The following ZNF630 variants were observed in gnomAD, a reference collection of about 807,000 sequenced individuals.
ZNF630 encodes dJ54B20.2 (novel KRAB box containing C2H2 type zinc finger protein).
In ZNF630, 5 loss-of-function variants were observed where a neutral mutation model predicts 7.2. That is an observed-to-expected ratio of 0.70 (90% CI 0.36 to 1.46). The LOEUF is 1.46. Ranked by LOEUF, ZNF630 falls within the 40% of genes most tolerant of loss-of-function variation. The probability of loss-of-function intolerance (pLI) is 0.03; values close to 1 mark genes in which losing one functional copy is unlikely to be tolerated. For synonymous variants in ZNF630, 158 were observed against 162.8 expected, an observed-to-expected ratio of 0.97 and a Z score of 0.23; for missense variants, 461 against 477.0, an observed-to-expected ratio of 0.97 and a Z score of 0.31.
Position 48,059,941 on chromosome X carries a change from G to A in ZNF630, c.501C>T (p.Asp167=), listed in dbSNP as rs2059094774. The A allele has an allele frequency of 1.7e-6, 2 of 1,208,149 alleles. No individual in the cohort carries two copies. Among genetic ancestry groups the A allele is most frequent in the Non-Finnish European group, 1.1e-6 (1 of 893,241 alleles). The change falls in exon 5 of 5, where the codon GAC becomes GAT. Residue 167 remains aspartate (D), a synonymous_variant. Transcript: ENST00000276054. ...GGAATTTTTGACTTAAAGGAGCAAG[G>A]TCTGTGCACCGATTGAACATTTTCC... is the stretch of plus-strand genomic sequence containing the variant. ...AFGKMFNRCT[D]LAPLSQKFHK...
rs782317074 is a variant in ZNF630, at chrX:48,063,265, C to CAA, written c.16-2322_16-2321dup. Reference sequence around the variant, plus strand: ...GTTGAGAGAAAAATCACTACCTGGCCAAAAAAAAAAAAAAAAAAGTTTGCA... The same window carrying CAA: ...GTTGAGAGAAAAATCACTACCTGGCCAAAAAAAAAAAAAAAAAAAAGTTTGCA... On this transcript the variant is annotated intron_variant, in intron 2 of 4. Coordinates refer to ENST00000276054, the MANE Select transcript of ZNF630 (RefSeq NM_001282201.2). Among the ~76,000 whole-genome samples, 8 of 30,148 alleles carry CAA rather than the reference C, an allele frequency of 2.7e-4. No homozygotes were observed. The South Asian group carries it at 5.4e-3, about 20-fold the overall frequency. The allele number at this position is 30,148 out of a possible 115,157, so 26.2% of individuals were successfully genotyped here.
chrX:48,060,131 T>C lies in ZNF630; in HGVS notation c.311A>G (p.Glu104Gly), dbSNP rs2059096875. 2 of 1,169,818 alleles carry C rather than the reference T, an allele frequency of 1.7e-6. No individual in the cohort carries two copies. The highest frequency in any genetic ancestry group is 2.3e-6 in the Non-Finnish European group (2 of 872,773). ...CAATGAATTATCCTTTGGGGCTCTT[T>C]CTAGTATCTCCCTTTGAAATAAAAG... is the stretch of plus-strand genomic sequence containing the variant. Reference protein sequence around the residue: ...GELLFQREILERAPKDNSLYS... With the variant: ...GELLFQREILGRAPKDNSLYS... The change falls in exon 5 of 5, where the codon GAA becomes GGA. Residue 104 changes from glutamate to glycine, a missense_variant. By Grantham distance (98) the Glu-to-Gly change is moderately conservative (BLOSUM62 -2). Coordinates refer to ENST00000276054, the MANE Select transcript of ZNF630 (RefSeq NM_001282201.2).
chrX:48,059,858 T>C lies in ZNF630; in HGVS notation c.584A>G (p.Asn195Ser), dbSNP rs1471044377. Residue 195 changes from asparagine to serine, a missense_variant, in exon 5 of 5, where the codon AAC becomes AGC. Coordinates refer to ENST00000276054, the MANE Select transcript of ZNF630 (RefSeq NM_001282201.2). ...GGGGTTCTTTCTTGCATAGCTCCTG[T>C]TATAATTTAGTAAGTCTGAATTAGA... ...LKSNSDLLNY[N>S]RSYARKNPTK... 8.3e-7 allele frequency: 1 copy of C among 1,206,409 alleles called. No individual in the cohort carries two copies. Among genetic ancestry groups the C allele is most frequent in the Non-Finnish European group, 1.1e-6 (1 of 892,875 alleles).
intron 2 of ZNF630, among the ~76,000 whole-genome samples, chrX:48,062,380 T>C (rs1232275986): frequency 8.9e-6 from 1 of 111,875 alleles, no homozygotes; most frequent in Non-Finnish European, 1.9e-5. Context: ...TCATGGGAGA[T>C]TGGATGAATA....
intron 2 of ZNF630, chrX:48,066,554 A>G (rs2059132325): frequency 3.6e-6 from 1 of 280,863 alleles, no homozygotes; most frequent in Non-Finnish European, 6.2e-6. Context: ...AAACTCAGTA[A>G]TAAAATTCCT....
In ZNF630 at chrX:48,059,445, G is replaced by A. The variant is rs1556908630; in HGVS notation, c.997C>T (p.Pro333Ser). The A allele has an allele frequency of 1.7e-6, 2 of 1,207,958 alleles. No homozygotes were observed. The highest frequency in any genetic ancestry group is 2.2e-5 in the Admixed American group (1 of 45,893). The change falls in exon 5 of 5, where the codon CCT becomes TCT. Residue 333 changes from proline to serine, a missense_variant. Physicochemically the swap from Pro to Ser is moderately conservative, Grantham distance 74. Transcript: ENST00000276054. ...KYGRAFSRKS[P>S]FTVHQRVHTG... is the part of the protein sequence containing the mutation. ...TGGACTCTCTGATGAACAGTGAAAG[G>A]TGACTTCCGGGAGAATGCTCTTCCA...
chrX:48,068,166 A>AGAAGGAAG (rs199852662), intron 1 of ZNF630, among the ~76,000 whole-genome samples: 8 of 84,475 alleles, frequency 9.5e-5, no homozygotes, highest in African/African-American at 3.3e-4. Context: ...GGAGGGAGGA[A>AGAAGGAAG]GAAGGAAGGA....
intron 1 of ZNF630, among the ~76,000 whole-genome samples, chrX:48,070,641 C>G (rs1556910926): frequency 1.0e-5 from 1 of 98,696 alleles, no homozygotes; most frequent in Admixed American, 1.1e-4. Context: ...AAAATTCCTA[C>G]AAATCATTAA....
chrX:48,069,038 G>A (rs1556910578), intron 1 of ZNF630, among the ~76,000 whole-genome samples: 2 of 110,479 alleles, frequency 1.8e-5, no homozygotes, highest in African/African-American at 3.3e-5. Context: ...CCAGGAGTTC[G>A]AGGCCAGCCT....
At chrX:48,068,927 G>A (rs1324664316) in intron 1 of ZNF630, among the ~76,000 whole-genome samples, 1 of 111,788 alleles carries the variant, frequency 8.9e-6, no homozygotes, top group Non-Finnish European at 1.9e-5. Context: ...ACACAAGAAT[G>A]TATTCCTAAT....
chrX:48,058,222 A>G lies in ZNF630; in HGVS notation c.*246T>C, dbSNP rs1029886594. 19 of 289,574 alleles carry G rather than the reference A, an allele frequency of 6.6e-5. No individual in the cohort carries two copies. The highest frequency in any genetic ancestry group is 5.3e-4 in the African/African-American group (19 of 36,098). The allele number at this position is 289,574 out of a possible 1,213,427, so 23.9% of individuals were successfully genotyped here. ...ACCAAACAACACCAAAGTAGTGCTA[A>G]TTCTTCCAGATACATTTATTCTGTG... On this transcript the variant is annotated 3_prime_UTR_variant, in exon 5 of 5. Transcript: ENST00000276054.
intron 2 of ZNF630, among the ~76,000 whole-genome samples, chrX:48,066,121 A>G (rs782717388): frequency 7.4e-4 from 82 of 110,793 alleles, no homozygotes; most frequent in Non-Finnish European, 1.3e-3. Context: ...CAATAATGAG[A>G]TCACTTTCAC....
Position 48,058,372 on chromosome X carries a change from T to C in ZNF630, c.*96A>G, listed in dbSNP as rs2059079407. On this transcript the variant is annotated 3_prime_UTR_variant, in exon 5 of 5. Coordinates refer to ENST00000276054, the MANE Select transcript of ZNF630 (RefSeq NM_001282201.2). Reference sequence around the variant, plus strand: ...TCATGTATACTGAGGAACATATTAGTCTATTCTACAGTTGAGAAGTTGTCA... The same window carrying C: ...TCATGTATACTGAGGAACATATTAGCCTATTCTACAGTTGAGAAGTTGTCA... 1 of 854,156 alleles carries C rather than the reference T, an allele frequency of 1.2e-6. No homozygotes were observed. The highest frequency in any genetic ancestry group is 2.1e-5 in the African/African-American group (1 of 48,717). The allele number at this position is 854,156 out of a possible 1,213,427, so 70.4% of individuals were successfully genotyped here.
In ZNF630 at chrX:48,058,383, G is replaced by C; in HGVS notation, c.*85C>G. ...GAGGAACATATTAGTCTATTCTACAGTTGAGAAGTTGTCACTATTTCTATT... is the reference window on the plus strand; with the variant it reads ...GAGGAACATATTAGTCTATTCTACACTTGAGAAGTTGTCACTATTTCTATT... On this transcript the variant is annotated 3_prime_UTR_variant, in exon 5 of 5. Transcript: ENST00000276054. The C allele has an allele frequency of 1.1e-6, 1 of 949,789 alleles. No homozygotes were observed. 78.3% of individuals were successfully genotyped at this position (949,789 alleles called of 1,213,427 possible). A position where few individuals can be genotyped will look rare whatever the true frequency, so the allele number is the denominator to read the frequency against.
intron 2 of ZNF630, among the ~76,000 whole-genome samples, chrX:48,065,106 G>C (rs1262036666): frequency 1.8e-5 from 2 of 111,843 alleles, no homozygotes; most frequent in Non-Finnish European, 3.8e-5. Context: ...AAATCTGAAT[G>C]GTAGTATATC....
rs2059085226 is a variant in ZNF630 at position 48,058,979 on chromosome X, A to G, written c.1463T>C (p.Met488Thr). 1 of 1,207,724 alleles carries G rather than the reference A, an allele frequency of 8.3e-7. No individual in the cohort carries two copies. Among genetic ancestry groups the G allele is most frequent in the African/African-American group, 1.8e-5 (1 of 57,104 alleles). Residue 488 changes from methionine (M) to threonine (T), a missense_variant, in exon 5 of 5, where the codon ATG becomes ACG. Transcript: ENST00000276054. ...QRLHTGEKPY[M>T]CTECGKSFSQ... ...GAAGGATTTTCCACATTCAGTACACATATAAGGTTTCTCTCCAGTATGAAG... is the reference window on the plus strand; with the variant it reads ...GAAGGATTTTCCACATTCAGTACACGTATAAGGTTTCTCTCCAGTATGAAG...
At chrX:48,068,189 AGG>A in intron 1 of ZNF630, among the ~76,000 whole-genome samples, 1 of 89,700 alleles carries the variant, frequency 1.1e-5, no homozygotes, top group Non-Finnish European at 2.2e-5. Context: ...GAAGGAAGGA[AGG>A]AAGGAAGGAA....
At chrX:48,064,694 G>A (rs2059122015) in intron 2 of ZNF630, among the ~76,000 whole-genome samples, 1 of 111,746 alleles carries the variant, frequency 8.9e-6, no homozygotes, top group Admixed American at 9.5e-5. Flanking sequence ...GAACTCCTGA[G>A]CTCAAGCAAT....
intron 2 of ZNF630, among the ~76,000 whole-genome samples, chrX:48,065,460 AG>A (rs2059126126): frequency 3.6e-5 from 3 of 83,489 alleles, no homozygotes; most frequent in African/African-American, 1.2e-4. Context: ...AAAGAAAGAG[AG>A]AGAGAGAGAG....
Sources: gnomAD v4.1 joint callset for allele counts (sites outside exome capture counted in the v4.1 genomes callset) on GRCh38, gnomAD v4.1.1 for gene constraint, MANE v1.5 for transcripts, NCBI Gene and HGNC (gene_info 2026-07-23, HGNC 2026-07-21) for gene names.